The following MLLT10 variants were observed in gnomAD, a reference collection of about 807,000 sequenced individuals.
The protein encoded by MLLT10 is protein AF-10.
A neutral mutation model predicts 129.1 loss-of-function variants in MLLT10; 30 were observed. That is an observed-to-expected ratio of 0.23 (90% confidence interval 0.17 to 0.32). The LOEUF (loss-of-function observed/expected upper bound fraction) is 0.32. Ranked by LOEUF, MLLT10 falls within the 10% of genes least tolerant of loss-of-function variation. The pLI is 1.00. For missense variants in MLLT10, 1,119 were observed against 1,268.3 expected, an observed-to-expected ratio of 0.88 and a Z score of 1.79; for synonymous variants, 490 against 446.4, an observed-to-expected ratio of 1.10 and a Z score of -1.23.
In MLLT10 at chr10:21,612,238, T is replaced by C. The variant is rs536373623; in HGVS notation, c.406-110T>C. The stretch of plus-strand genomic sequence containing the variant: ...TCCAAAATGAATTCATATTTTGAGT[T>C]AAGATAGGTTACTTAGTATACCTGA... On this transcript the variant is annotated intron_variant, in intron 5 of 22. Transcript: ENST00000307729. The C allele has an allele frequency of 6.0e-5, 34 of 570,394 alleles. No homozygotes were observed. In the South Asian group the frequency reaches 8.9e-4, roughly 15 times the overall value. The allele number at this position is 570,394 out of a possible 1,614,324, so 35.3% of individuals were successfully genotyped here.
intron 7 of MLLT10, among the ~76,000 whole-genome samples, chr10:21,615,782 A>T (rs1456081546): frequency 6.6e-6 from 1 of 152,162 alleles, no homozygotes; most frequent in Non-Finnish European, 1.5e-5. Context: ...AGATTTGGTC[A>T]CTATTTGCTG....
At chr10:21,692,021 AAAAG>A (rs1236592411) in intron 13 of MLLT10, among the ~76,000 whole-genome samples, 4 of 149,732 alleles carry the variant, frequency 2.7e-5, no homozygotes, top group African/African-American at 4.9e-5. Context: ...AAAAAAAAAA[AAAAG>A]AGCCAGGTGG....
At chr10:21,636,560 A>G (rs960900850) in intron 8 of MLLT10, among the ~76,000 whole-genome samples, 4 of 151,422 alleles carry the variant, frequency 2.6e-5, no homozygotes. Flanking sequence ...ATAGTGCCTA[A>G]TATGATTTCT....
At chr10:21,592,117 A>G (rs1395583788) in intron 4 of MLLT10, among the ~76,000 whole-genome samples, 1 of 152,222 alleles carries the variant, frequency 6.6e-6, no homozygotes, top group Non-Finnish European at 1.5e-5. Flanking sequence ...TAGGAAAGCT[A>G]CATACATTCA....
At chr10:21,713,286 C>G (rs189963250) in intron 13 of MLLT10, among the ~76,000 whole-genome samples, 1 of 152,148 alleles carries the variant, frequency 6.6e-6, no homozygotes, top group Non-Finnish European at 1.5e-5. Flanking sequence ...CTTTTGGTCT[C>G]GGAATTTCAA....
chr10:21,674,287 C>T (rs1371811974), intron 11 of MLLT10, among the ~76,000 whole-genome samples: 1 of 150,424 alleles, frequency 6.6e-6, no homozygotes, highest in Non-Finnish European at 1.5e-5. Flanking sequence ...GAGTTTTTAC[C>T]CTTTGGTTTT....
chr10:21,563,081 C>G (rs1010906614), intron 3 of MLLT10, among the ~76,000 whole-genome samples: 2 of 152,108 alleles, frequency 1.3e-5, no homozygotes, highest in African/African-American at 4.8e-5. Flanking sequence ...ATTGCACCAT[C>G]TTCCCAGAAT....
At chr10:21,639,074 C>T (rs1296404299) in intron 8 of MLLT10, among the ~76,000 whole-genome samples, 2 of 152,134 alleles carry the variant, frequency 1.3e-5, no homozygotes. Flanking sequence ...CTTTAATTTT[C>T]CTCTTCTAAA....
In MLLT10 at chr10:21,735,220, T is replaced by C; in HGVS notation, c.2940T>C (p.Ser980=). 6.2e-7 allele frequency: 1 copy of C among 1,612,686 alleles called. No homozygotes were observed. Among genetic ancestry groups the C allele is most frequent in the East Asian group, 2.2e-5 (1 of 44,862 alleles). Residue 980 remains serine (S), a synonymous_variant, in exon 21 of 23, where the codon TCT becomes TCC. Transcript: ENST00000307729. The stretch of plus-strand genomic sequence containing the variant: ...AGCAGTTTCAGCAGTTGTTAAATTC[T>C]CAACAGCTCACACCAGTAAGTTCTT... The part of the protein sequence containing the change: ...HQQQFQQLLN[S]QQLTPEQHQA...
intron 3 of MLLT10, 22 bp from the exon 4 acceptor site, chr10:21,586,272 G>GT: frequency 6.9e-7 from 1 of 1,447,870 alleles, no homozygotes; most frequent in Non-Finnish European, 9.4e-7. Context: ...TTCATTACCT[G>GT]TTTCTTTTTT....
intron 3 of MLLT10, among the ~76,000 whole-genome samples, chr10:21,576,968 A>G (rs1463178226): frequency 1.3e-5 from 2 of 152,168 alleles, no homozygotes; most frequent in African/African-American, 2.4e-5. Flanking sequence ...CATCACTACA[A>G]TCAATTTTAG....
intron 13 of MLLT10, chr10:21,708,614 A>C (rs1589751690): frequency 2.0e-6 from 2 of 985,222 alleles, no homozygotes; most frequent in East Asian, 2.3e-4. Flanking sequence ...TATTGTTTCA[A>C]AGTGTGATTA....
chr10:21,604,421 C>A (rs1242475111), intron 5 of MLLT10, among the ~76,000 whole-genome samples: 1 of 152,060 alleles, frequency 6.6e-6, no homozygotes, highest in African/African-American at 2.4e-5. Flanking sequence ...GAAACCCTGT[C>A]TCTACTAAAA....
chr10:21,687,511 C>G (rs535446434), intron 13 of MLLT10, among the ~76,000 whole-genome samples: 1 of 152,266 alleles, frequency 6.6e-6, no homozygotes, highest in South Asian at 2.1e-4. Flanking sequence ...AATTTAATTT[C>G]CTTTTAATCA....
At chr10:21,736,214 G>A (rs1216076754) in intron 21 of MLLT10, among the ~76,000 whole-genome samples, 1 of 152,198 alleles carries the variant, frequency 6.6e-6, no homozygotes, top group African/African-American at 2.4e-5. Flanking sequence ...GAAAAAGGGA[G>A]TGATCCAGGC....
intron 3 of MLLT10, among the ~76,000 whole-genome samples, chr10:21,550,182 T>C (rs2036775607): frequency 6.6e-6 from 1 of 152,190 alleles, no homozygotes; most frequent in Non-Finnish European, 1.5e-5. Flanking sequence ...GTCTCTAAGT[T>C]TGTTTCTTGG....
intron 9 of MLLT10, among the ~76,000 whole-genome samples, 200 bp from the exon 10 acceptor site, chr10:21,670,244 TTTTTC>T (rs1464499790): frequency 1.6e-4 from 24 of 152,156 alleles, no homozygotes; most frequent in African/African-American, 4.6e-4. Flanking sequence ...TTATGTAGGC[TTTTTC>T]TTTTCTTTTC....
chr10:21,621,599 G>T (rs1431673583), intron 8 of MLLT10, among the ~76,000 whole-genome samples: 1 of 151,988 alleles, frequency 6.6e-6, no homozygotes, highest in Admixed American at 6.6e-5. Context: ...GTGTTGAACC[G>T]ACCTCCGCCC....
At chr10:21,724,705 C>T (rs1173684128) in intron 14 of MLLT10, among the ~76,000 whole-genome samples, 1 of 152,174 alleles carries the variant, frequency 6.6e-6, no homozygotes, top group African/African-American at 2.4e-5. Context: ...AAGAGATTTG[C>T]CTCCAAAATG....
Sources: gnomAD v4.1 joint callset for allele counts (sites outside exome capture counted in the v4.1 genomes callset) on GRCh38, gnomAD v4.1.1 for gene constraint, MANE v1.5 for transcripts, NCBI Gene and HGNC (gene_info 2026-07-23, HGNC 2026-07-21) for gene names.